SETD1B: variants seen among roughly 807,000 people sequenced by gnomAD.
SETD1B encodes the protein SET domain containing 1B, histone lysine methyltransferase.
A neutral mutation model predicts 148.0 loss-of-function variants in SETD1B; 7 were observed. That is an observed-to-expected ratio of 0.05 (90% CI 0.03 to 0.09). The LOEUF is 0.09. Among genes scored for constraint, SETD1B ranks in the 10% least tolerant of loss-of-function variants. SETD1B has a pLI of 1.00. For synonymous variants in SETD1B, 1,361 were observed against 1,186.5 expected (o/e 1.15, Z -3.02); for missense variants, 2,155 against 2,729.9 (o/e 0.79, Z 4.69).
chr12:121,820,634 C>T (rs930408176), intron 11 of SETD1B, among the ~76,000 whole-genome samples: 1 of 152,140 alleles, frequency 6.6e-6, no homozygotes, highest in African/African-American at 2.4e-5. Context: ...CCCAGGTTCA[C>T]GCCATTCTCC....
At chr12:121,803,939 G>A (rs1033257109), upstream of SETD1B, 51 of 159,170 alleles carry the variant, frequency 3.2e-4, no homozygotes, top group East Asian at 3.7e-4. This position sits in a 1 kb window ranked among gnomAD's most constrained non-coding sequence, Gnocchi z 4.7. Context: ...AGGAAGGAGA[G>A]GGGAGGAGGA....
intron 4 of SETD1B, among the ~76,000 whole-genome samples, chr12:121,807,068 A>G (rs1436487080): frequency 6.6e-6 from 1 of 152,274 alleles, no homozygotes; most frequent in Non-Finnish European, 1.5e-5. Context: ...CATGGCGTTC[A>G]GGGACAACTG....
At position 121,812,265 on chromosome 12, in the gene SETD1B, CA is replaced by C. The variant is rs1448872828; in HGVS notation, c.1890+1431del. 3.9e-5 allele frequency among the ~76,000 whole-genome samples: 6 copies of C among 152,280 alleles called. No individual in the cohort carries two copies. In the East Asian group the frequency reaches 1.2e-3, roughly 29 times the overall value. On this transcript the variant is annotated intron_variant, in intron 6 of 16. Coordinates refer to ENST00000604567, the MANE Select transcript of SETD1B (RefSeq NM_001353345.2). ...GCGCAGGCGGGGCCAGCCGAGGGTG[CA>C]GGGGGGGCTTTTCTTCTAAACAGTG...
rs181050180 is a variant in SETD1B at position 121,820,282 on chromosome 12, C to T, written c.3910+387C>T. On this transcript the variant is annotated intron_variant, in intron 11 of 16. Transcript: ENST00000604567. ...GGCCAGGTGAGGGCTGCAGGCATTGCCCCCTCCGGCATCGTGATGCTGCTG... is the reference window on the plus strand; with the variant it reads ...GGCCAGGTGAGGGCTGCAGGCATTGTCCCCTCCGGCATCGTGATGCTGCTG... Among the ~76,000 whole-genome samples the T allele has an allele frequency of 2.7e-3, 405 of 152,298 alleles. 4 individuals are homozygous for T. The highest frequency in any genetic ancestry group is 9.4e-3 in the African/African-American group (391 of 41,550).
Position 121,819,843 on chromosome 12 carries a change from C to T in SETD1B, c.3858C>T (p.Pro1286=). 1.3e-6 allele frequency: 2 copies of T among 1,551,474 alleles called. No individual in the cohort carries two copies. Among genetic ancestry groups the T allele is most frequent in the Non-Finnish European group, 1.7e-6 (2 of 1,146,926 alleles). Residue 1286 remains proline (P), a synonymous_variant, in exon 11 of 17, where the codon CCC becomes CCT. Transcript: ENST00000604567. Reference sequence around the variant, plus strand: ...GGGCCATGTTGCTGTCTCCAGAGCCCCCTGCCAAGGAGGTGGAGGCTCGAC... The same window carrying T: ...GGGCCATGTTGCTGTCTCCAGAGCCTCCTGCCAAGGAGGTGGAGGCTCGAC... ...QEGAMLLSPE[P]PAKEVEARPP...
chr12:121,822,992 C>T lies in SETD1B; in HGVS notation c.4413C>T (p.Gly1471=). 7.8e-6 allele frequency: 12 copies of T among 1,531,016 alleles called. No homozygotes were observed. Among genetic ancestry groups the T allele is most frequent in the Non-Finnish European group, 1.1e-5 (12 of 1,140,430 alleles). 94.8% of individuals were successfully genotyped at this position (1,531,016 alleles called of 1,614,324 possible). Reference sequence around the variant, plus strand: ...CCTCCCCGGTGCTCCTGGAGACGGGCCTGCCCCTCCCTCTGCCCCTTCCCC... The same window carrying T: ...CCTCCCCGGTGCTCCTGGAGACGGGTCTGCCCCTCCCTCTGCCCCTTCCCC... The part of the protein sequence containing the change: ...PLASPVLLET[G]LPLPLPLPLP... The change falls in exon 12 of 17, where the codon GGC becomes GGT. Residue 1471 remains glycine (G), a synonymous_variant. Coordinates refer to ENST00000604567, the MANE Select transcript of SETD1B (RefSeq NM_001353345.2).
intron 6 of SETD1B, among the ~76,000 whole-genome samples, chr12:121,812,653 G>A (rs528640471): frequency 6.6e-5 from 10 of 152,172 alleles, no homozygotes; most frequent in Admixed American, 1.3e-4. Flanking sequence ...GGCGCGCTGT[G>A]CTCGGCTCTG....
Position 121,810,676 on chromosome 12 carries a change from C to G in SETD1B, c.1731C>G (p.Leu577=), listed in dbSNP as rs895952. The G allele has an allele frequency of 0.82, 1,268,044 of 1,549,898 alleles. 521,206 individuals are homozygous for G. The highest frequency in any genetic ancestry group is 0.99 in the East Asian group (40,446 of 40,904). The change falls in exon 6 of 17, where the codon CTC becomes CTG. Residue 577 remains leucine, a synonymous_variant. Transcript: ENST00000604567. The surrounding 1 kb of genome is among the most constrained non-coding windows in gnomAD (Gnocchi z 7.6). ...TGGAGGATATCAGCCCAACACCCCTCCCAGACTCCGACGAGGACGAGGAGC... is the reference window on the plus strand; with the variant it reads ...TGGAGGATATCAGCCCAACACCCCTGCCAGACTCCGACGAGGACGAGGAGC... ...TGLEDISPTP[L]PDSDEDEELD...
At position 121,804,986 on chromosome 12, in the gene SETD1B, C is replaced by T; in HGVS notation, c.174+75C>T. The T allele has an allele frequency of 1.4e-6, 2 of 1,461,006 alleles. No individual in the cohort carries two copies. The highest frequency in any genetic ancestry group is 1.4e-5 in the South Asian group (1 of 73,596). 90.5% of individuals were successfully genotyped at this position (1,461,006 alleles called of 1,614,324 possible). On this transcript the variant is annotated intron_variant, in intron 2 of 16. Transcript: ENST00000604567. The surrounding 1 kb of genome is among the most constrained non-coding windows in gnomAD (Gnocchi z 4.6). ...AGACGCGCCTAGCGGCCAGGGACCC[C>T]CCGCCCGATCCCCCGGCCAACTGTC...
At chr12:121,791,240 C>T in the SETD1B span, among the ~76,000 whole-genome samples, 3 of 152,174 alleles carry the variant, frequency 2.0e-5, no homozygotes, top group African/African-American at 7.2e-5. Flanking sequence ...ATTCTCCTGC[C>T]TCAGCCTCCC....
chr12:121,793,120 C>G, the SETD1B span: 8 of 1,540,648 alleles, frequency 5.2e-6, no homozygotes, highest in Non-Finnish European at 7.0e-6. Flanking sequence ...GCGGGCGGAC[C>G]CTCGGGCCCC....
chr12:121,828,140 C>T, intron 16 of SETD1B, 70 bp downstream of exon 16: 1 of 1,522,862 alleles, frequency 6.6e-7, no homozygotes, highest in Non-Finnish European at 8.8e-7. Context: ...GCCAGGAGGG[C>T]CTGGAAGCCC....
chr12:121,795,154 G>A, the SETD1B span: 1 of 152,378 alleles, frequency 6.6e-6, no homozygotes, highest in Non-Finnish European at 1.5e-5. Context: ...GAGCTGGGAA[G>A]GGGAGGCCGG....
At position 121,817,099 on chromosome 12, in the gene SETD1B, A is replaced by G. The variant is rs1280515076; in HGVS notation, c.2782A>G (p.Ile928Val). 1 of 1,549,122 alleles carries G rather than the reference A, an allele frequency of 6.5e-7. No homozygotes were observed. Among genetic ancestry groups the G allele is most frequent in the South Asian group, 1.2e-5 (1 of 84,030 alleles). ...GGACAGGCCGAAGCCCAAGGACCGC[A>G]TCGCCTCGTGCCTGCTGGAGTCATG... ...DEDRPKPKDR[I>V]ASCLLESWGK... Residue 928 changes from isoleucine to valine, a missense_variant, in exon 8 of 17, where the codon ATC becomes GTC. Around this residue, in one of 11 missense-constraint regions of SETD1B, gnomAD observed 289 missense variants for 423.7 expected, o/e 0.68. Coordinates refer to ENST00000604567, the MANE Select transcript of SETD1B (RefSeq NM_001353345.2). This position sits in a 1 kb window ranked among gnomAD's most constrained non-coding sequence, Gnocchi z 8.1.
chr12:121,823,758 C>A lies in SETD1B; in HGVS notation c.5170+9C>A. The A allele has an allele frequency of 6.5e-7, 1 of 1,538,966 alleles. No homozygotes were observed. Among genetic ancestry groups the A allele is most frequent in the Non-Finnish European group, 8.8e-7 (1 of 1,139,434 alleles). Reference sequence around the variant, plus strand: ...CTGGGTCTACCATCCCTATATCCTGCTGGCATGGGGGGCTCTGCACCTTCT... The same window carrying A: ...CTGGGTCTACCATCCCTATATCCTGATGGCATGGGGGGCTCTGCACCTTCT... On this transcript the variant is annotated intron_variant, in intron 12 of 16. Transcript: ENST00000604567.
At chr12:121,816,438 C>CTAA (rs1424466968) in intron 7 of SETD1B, among the ~76,000 whole-genome samples, 1 of 152,214 alleles carries the variant, frequency 6.6e-6, no homozygotes, top group Non-Finnish European at 1.5e-5. Context: ...TGATACACAG[C>CTAA]TCTTTATGGT....
chr12:121,806,198 C>G, intron 4 of SETD1B, 93 bp downstream of exon 4: 4 of 1,389,484 alleles, frequency 2.9e-6, no homozygotes, highest in Non-Finnish European at 3.9e-6. Flanking sequence ...CCCCCCCTCA[C>G]TCTTCCTTGG....
rs914624476 is a variant in SETD1B at position 121,805,449 on chromosome 12, C to T, written c.273+233C>T. On this transcript the variant is annotated intron_variant, in intron 3 of 16. Coordinates refer to ENST00000604567, the MANE Select transcript of SETD1B (RefSeq NM_001353345.2). This position sits in a 1 kb window ranked among gnomAD's most constrained non-coding sequence, Gnocchi z 4.2. ...GCGCAGATACAGTGTCCTGCACGCC[C>T]CGCGGGGGGCTCGGCTCCGAGACTC... 9.2e-5 allele frequency among the ~76,000 whole-genome samples: 14 copies of T among 152,206 alleles called. No individual in the cohort carries two copies. The highest frequency in any genetic ancestry group is 6.5e-5 in the Admixed American group (1 of 15,280).
Position 121,817,986 on chromosome 12 carries a change from C to T in SETD1B, c.3418+82C>T. 1 of 1,339,954 alleles carries T rather than the reference C, an allele frequency of 7.5e-7. No individual in the cohort carries two copies. Among genetic ancestry groups the T allele is most frequent in the Non-Finnish European group, 1.0e-6 (1 of 996,468 alleles). The allele number at this position is 1,339,954 out of a possible 1,614,324, so 83.0% of individuals were successfully genotyped here. ...AGAGCCTGAGCAATTGTCAGAAATA[C>T]TTCTGAGCCAAAATGTTGTGCTTTT... On this transcript the variant is annotated intron_variant, in intron 10 of 16. Coordinates refer to ENST00000604567, the MANE Select transcript of SETD1B (RefSeq NM_001353345.2). The surrounding 1 kb of genome is among the most constrained non-coding windows in gnomAD (Gnocchi z 8.1).
Sources: allele counts gnomAD v4.1 joint callset (sites outside exome capture counted in the v4.1 genomes callset), GRCh38; gene constraint gnomAD v4.1.1; regional missense constraint gnomAD v4.1.1; non-coding constraint Gnocchi (gnomAD v3.1); transcripts MANE v1.5; gene names NCBI Gene and HGNC (gene_info 2026-07-23, HGNC 2026-07-21).